The following SLC3A1 variants were observed in gnomAD, a reference collection of about 807,000 sequenced individuals.
SLC3A1 encodes amino acid transporter heavy chain SLC3A1.
A neutral mutation model predicts 60.3 loss-of-function variants in SLC3A1; 78 were observed. The observed-to-expected ratio is 1.29, with a 90% CI of 1.08 to 1.56. SLC3A1 has a LOEUF of 1.56. SLC3A1 is among the 40% of genes most tolerant of loss of function. The probability of loss-of-function intolerance (pLI) is 0.00; values close to 1 mark genes in which losing one functional copy is unlikely to be tolerated. For missense variants in SLC3A1, 1,172 were observed against 858.9 expected (o/e 1.36, Z -4.56); for synonymous variants, 392 against 307.9 (o/e 1.27, Z -2.86).
rs143593325 is a variant in SLC3A1, at chr2:44,284,648, G to T, written c.766-1384G>T. Reference sequence around the variant, plus strand: ...CTCAATCATAGCTTACTGCAGTCTCGAGCTCCTAGGCTCAAGCAATCCTCG... The same window carrying T: ...CTCAATCATAGCTTACTGCAGTCTCTAGCTCCTAGGCTCAAGCAATCCTCG... On this transcript the variant is annotated intron_variant, in intron 3 of 9. Coordinates refer to ENST00000260649, the MANE Select transcript of SLC3A1 (RefSeq NM_000341.4). Among the ~76,000 whole-genome samples the T allele has an allele frequency of 6.9e-3, 1,054 of 152,026 alleles. 15 individuals are homozygous for T. Among genetic ancestry groups the T allele is most frequent in the African/African-American group, 0.024 (1,010 of 41,458 alleles).
intron 4 of SLC3A1, among the ~76,000 whole-genome samples, chr2:44,286,851 G>A (rs904212810): frequency 8.6e-5 from 13 of 151,862 alleles, no homozygotes; most frequent in Non-Finnish European, 1.5e-4. Context: ...TGAGCTGTGC[G>A]GTGTCTGTGA....
At chr2:44,306,421 C>CAA (rs1270184227) in intron 7 of SLC3A1, among the ~76,000 whole-genome samples, 3 of 152,192 alleles carry the variant, frequency 2.0e-5, no homozygotes, top group African/African-American at 4.8e-5. Flanking sequence ...AGCCTTTCTC[C>CAA]GTCTGGTGAG....
At chr2:44,290,373 A>G (rs1671715108) in intron 4 of SLC3A1, among the ~76,000 whole-genome samples, 1 of 152,162 alleles carries the variant, frequency 6.6e-6, no homozygotes, top group African/African-American at 2.4e-5. Context: ...TGAGAATCCT[A>G]CAACTTTGTT....
intron 1 of SLC3A1, among the ~76,000 whole-genome samples, chr2:44,277,092 T>TCTC (rs1558451183): frequency 1.7e-5 from 2 of 117,228 alleles, no homozygotes; most frequent in Non-Finnish European, 3.5e-5. Flanking sequence ...GCTCCTATCA[T>TCTC]TCTCTCTCTT....
chr2:44,312,129 T>C (rs1488993985), intron 7 of SLC3A1, among the ~76,000 whole-genome samples: 2 of 152,212 alleles, frequency 1.3e-5, no homozygotes, highest in East Asian at 3.8e-4. Context: ...TCTTGGAGTA[T>C]GTAAATTCTT....
At chr2:44,277,106 T>C (rs868108041) in intron 1 of SLC3A1, among the ~76,000 whole-genome samples, 27 of 63,002 alleles carry the variant, frequency 4.3e-4, no homozygotes, top group Admixed American at 7.3e-4. Flanking sequence ...CTCTCTTCTT[T>C]TTTTTTTTTT....
intron 4 of SLC3A1, among the ~76,000 whole-genome samples, chr2:44,287,254 G>T (rs1293010658): frequency 2.0e-5 from 3 of 152,200 alleles, no homozygotes; most frequent in Non-Finnish European, 4.4e-5. Context: ...GGTAGAAGTG[G>T]CTCTTCTATA....
intron 4 of SLC3A1, among the ~76,000 whole-genome samples, chr2:44,297,598 C>A (rs1671886119): frequency 6.6e-6 from 1 of 152,178 alleles, no homozygotes; most frequent in African/African-American, 2.4e-5. Context: ...CATCCCTTGT[C>A]CCACATGTCC....
intron 9 of SLC3A1, chr2:44,314,335 C>T (rs1485761600): frequency 2.2e-6 from 1 of 457,838 alleles, no homozygotes; most frequent in Non-Finnish European, 4.0e-6. Flanking sequence ...GTAAGGAGAT[C>T]AATCAATCAA....
At chr2:44,309,866 G>A (rs919996449) in intron 7 of SLC3A1, among the ~76,000 whole-genome samples, 2 of 152,122 alleles carry the variant, frequency 1.3e-5, no homozygotes, top group African/African-American at 2.4e-5. Context: ...CCAAAGTGCT[G>A]GGATTACAGG....
At chr2:44,279,299 C>T (rs1671437145) in intron 1 of SLC3A1, among the ~76,000 whole-genome samples, 2 of 152,174 alleles carry the variant, frequency 1.3e-5, no homozygotes, top group African/African-American at 4.8e-5. Context: ...TGTGTCCTGC[C>T]TTCTCACCCT....
intron 9 of SLC3A1, 123 bp downstream of exon 9, chr2:44,314,074 T>G (rs751512927): frequency 1.3e-6 from 2 of 1,551,916 alleles, no homozygotes; most frequent in South Asian, 2.4e-5. Flanking sequence ...AATCACAGAC[T>G]TCCTTGCAGT....
intron 1 of SLC3A1, among the ~76,000 whole-genome samples, chr2:44,280,337 C>G: frequency 6.6e-6 from 1 of 151,966 alleles, no homozygotes; most frequent in East Asian, 1.9e-4. Flanking sequence ...TTCCCAGGTT[C>G]AAGAGATTCT....
intron 4 of SLC3A1, 72 bp downstream of exon 4, chr2:44,286,229 G>A: frequency 6.9e-7 from 1 of 1,449,258 alleles, no homozygotes; most frequent in African/African-American, 1.4e-5. Context: ...ACTTTATATT[G>A]CACAGTAATT....
At chr2:44,281,173 T>TC (rs1271039170) in intron 2 of SLC3A1, among the ~76,000 whole-genome samples, 1 of 147,020 alleles carries the variant, frequency 6.8e-6, no homozygotes, top group African/African-American at 2.5e-5. Context: ...TTTTTTTTTT[T>TC]TTCCAGGCAG....
chr2:44,277,057 C>G (rs1337099386), intron 1 of SLC3A1, among the ~76,000 whole-genome samples: 2 of 149,918 alleles, frequency 1.3e-5, no homozygotes, highest in Non-Finnish European at 3.0e-5. Flanking sequence ...TCTTTAATCA[C>G]TAGTAGAAGG....
intron 4 of SLC3A1, among the ~76,000 whole-genome samples, chr2:44,296,398 G>A (rs1051210713): frequency 1.3e-5 from 2 of 152,170 alleles, no homozygotes; most frequent in Non-Finnish European, 2.9e-5. Flanking sequence ...TATACACTAG[G>A]AGTTCAAATA....
At chr2:44,315,809 G>T (rs1672423314) in intron 9 of SLC3A1, among the ~76,000 whole-genome samples, 1 of 151,732 alleles carries the variant, frequency 6.6e-6, no homozygotes, top group South Asian at 2.1e-4. Context: ...ATCTAGAACT[G>T]TTTGGTGATC....
chr2:44,286,175 C>G lies in SLC3A1; in HGVS notation c.891+18C>G. 1 of 1,611,974 alleles carries G rather than the reference C, an allele frequency of 6.2e-7. No individual in the cohort carries two copies. The highest frequency in any genetic ancestry group is 8.5e-7 in the Non-Finnish European group (1 of 1,178,328). Reference sequence around the variant, plus strand: ...AAATAAAAGTGAGTATAGATACCCACACAGACTTCTCCATTAATGGAGGTT... The same window carrying G: ...AAATAAAAGTGAGTATAGATACCCAGACAGACTTCTCCATTAATGGAGGTT... On this transcript the variant is annotated intron_variant, in intron 4 of 9. Transcript: ENST00000260649.
Sources: allele counts gnomAD v4.1 joint callset (sites outside exome capture counted in the v4.1 genomes callset), GRCh38; gene constraint gnomAD v4.1.1; transcripts MANE v1.5; gene names NCBI Gene and HGNC (gene_info 2026-07-23, HGNC 2026-07-21).